DDHD1: variants seen among roughly 807,000 people sequenced by gnomAD.
The protein encoded by DDHD1 is phospholipase DDHD1.
In DDHD1, 49 loss-of-function variants were observed where a neutral mutation model predicts 96.4. The observed-to-expected ratio is 0.51, with a 90% confidence interval of 0.40 to 0.64. DDHD1 has a LOEUF of 0.64. DDHD1 is among the 30% of genes least tolerant of loss of function. DDHD1 has a pLI of 0.00. For missense variants in DDHD1, 1,106 were observed against 1,161.2 expected (o/e 0.95, Z 0.69); for synonymous variants, 442 against 446.5 (o/e 0.99, Z 0.13).
At chr14:53,069,371 C>T (rs974239741) in intron 6 of DDHD1, among the ~76,000 whole-genome samples, 10 of 152,202 alleles carry the variant, frequency 6.6e-5, no homozygotes, top group Admixed American at 6.5e-4. Flanking sequence ...TTTGTAGACA[C>T]TGCATTTACA....
intron 1 of DDHD1, among the ~76,000 whole-genome samples, chr14:53,131,541 AAC>A (rs1429948134): frequency 1.3e-5 from 2 of 151,978 alleles, no homozygotes; most frequent in Non-Finnish European, 2.9e-5. Flanking sequence ...CTGGATCTCA[AAC>A]ATGCTTTCTT....
chr14:53,152,576 C>G lies in DDHD1; in HGVS notation c.523G>C (p.Asp175His), dbSNP rs750682633. ...ATGAAGGGCTTCCAGGTCTTCTTGT[C>G]CTCCTTGTAGAACCAGCGTACCTCC... is the stretch of plus-strand genomic sequence containing the variant. ...PEEVRWFYKEDKKTWKPFIGY... is the reference protein window; with the variant it reads ...PEEVRWFYKEHKKTWKPFIGY... The change falls in exon 1 of 13, where the codon GAC becomes CAC. Residue 175 changes from aspartate (D) to histidine (H), a missense_variant. Transcript: ENST00000673822. The G allele has an allele frequency of 6.2e-7, 1 of 1,613,926 alleles. No homozygotes were observed. Among genetic ancestry groups the G allele is most frequent in the Non-Finnish European group, 8.5e-7 (1 of 1,179,946 alleles).
chr14:53,141,406 G>C (rs1041501943), intron 1 of DDHD1, among the ~76,000 whole-genome samples: 3 of 152,166 alleles, frequency 2.0e-5, no homozygotes, highest in African/African-American at 7.2e-5. Flanking sequence ...ACCAAAGTAA[G>C]GTCTTCGAAC....
intron 6 of DDHD1, among the ~76,000 whole-genome samples, chr14:53,064,969 T>C (rs1488406964): frequency 6.6e-6 from 1 of 152,182 alleles, no homozygotes; most frequent in Admixed American, 6.5e-5. Context: ...TATATTCTCC[T>C]AATTAGGATC....
intron 4 of DDHD1, among the ~76,000 whole-genome samples, chr14:53,077,741 A>T (rs1158886264): frequency 3.3e-5 from 5 of 150,696 alleles, no homozygotes; most frequent in African/African-American, 1.2e-4. Context: ...CCATTATCTA[A>T]TTTCATAACA....
chr14:53,150,732 G>GA (rs1891286086), intron 1 of DDHD1, among the ~76,000 whole-genome samples: 1 of 152,090 alleles, frequency 6.6e-6, no homozygotes, highest in Non-Finnish European at 1.5e-5. Context: ...TCATTTGAAG[G>GA]AAACACCGAG....
intron 4 of DDHD1, among the ~76,000 whole-genome samples, chr14:53,076,195 C>T (rs1208793923): frequency 2.0e-5 from 3 of 152,106 alleles, no homozygotes; most frequent in African/African-American, 7.2e-5. Context: ...CCGGAAGGAA[C>T]TCATCATTCT....
intron 1 of DDHD1, among the ~76,000 whole-genome samples, chr14:53,142,098 G>A (rs1890679554): frequency 6.6e-6 from 1 of 152,190 alleles, no homozygotes; most frequent in Non-Finnish European, 1.5e-5. Flanking sequence ...AAGCAGGAAT[G>A]ATCCCCATTT....
chr14:53,109,294 T>TA (rs1887930297), intron 1 of DDHD1, among the ~76,000 whole-genome samples: 1 of 152,184 alleles, frequency 6.6e-6, no homozygotes, highest in African/African-American at 2.4e-5. Context: ...TTCCTGTAGC[T>TA]AGTTCTATAA....
At chr14:53,088,853 T>C (rs1443464357) in intron 4 of DDHD1, among the ~76,000 whole-genome samples, 1 of 152,190 alleles carries the variant, frequency 6.6e-6, no homozygotes, top group African/African-American at 2.4e-5. Flanking sequence ...ATAAAGGGTA[T>C]TCAATTAGGA....
chr14:53,086,737 C>T (rs1885994963), intron 4 of DDHD1, among the ~76,000 whole-genome samples: 1 of 152,104 alleles, frequency 6.6e-6, no homozygotes, highest in Non-Finnish European at 1.5e-5. Context: ...GAAGAAACTG[C>T]AGCAATTAAT....
intron 1 of DDHD1, 70 bp from the exon 2 acceptor site, chr14:53,103,926 A>C: frequency 1.4e-6 from 2 of 1,406,016 alleles, no homozygotes; most frequent in Non-Finnish European, 1.9e-6. Flanking sequence ...CACAGTATCT[A>C]CAATCTTATA....
At chr14:53,152,113 G>GAAATT in intron 1 of DDHD1, 148 bp downstream of exon 1, 2 of 833,736 alleles carry the variant, frequency 2.4e-6, no homozygotes, top group South Asian at 1.9e-5. Flanking sequence ...AGCTGCCGAC[G>GAAATT]CTCCCTGCTC....
intron 3 of DDHD1, chr14:53,092,915 C>T (rs4901341): frequency 0.73 from 112,114 of 153,304 alleles, 43,876 homozygotes; most frequent in East Asian, 0.96. Context: ...TCACCTTCTA[C>T]TTACGCTTCA....
chr14:53,111,078 C>A (rs955190154), intron 1 of DDHD1, among the ~76,000 whole-genome samples: 8 of 152,162 alleles, frequency 5.3e-5, no homozygotes, highest in Admixed American at 3.3e-4. Context: ...TTCTTCTTGA[C>A]TGAAAAATAA....
chr14:53,150,112 A>G (rs1891243426), intron 1 of DDHD1: 1 of 152,220 alleles, frequency 6.6e-6, no homozygotes, highest in African/African-American at 2.4e-5. Flanking sequence ...GTCAAAGCCC[A>G]AACCCACCTC....
At chr14:53,064,385 C>T (rs745704216) in intron 6 of DDHD1, among the ~76,000 whole-genome samples, 28 of 151,982 alleles carry the variant, frequency 1.8e-4, no homozygotes, top group East Asian at 1.9e-4. Context: ...AGTACTCTGA[C>T]AAAACATACC....
intron 4 of DDHD1, among the ~76,000 whole-genome samples, chr14:53,076,968 T>A (rs889990434): frequency 6.6e-6 from 1 of 152,210 alleles, no homozygotes; most frequent in African/African-American, 2.4e-5. Flanking sequence ...TTTGTGCAAC[T>A]TGCTTAATTA....
At position 53,043,372 on chromosome 14, in the gene DDHD1, GAGC is replaced by G. The variant is rs1881789269; in HGVS notation, c.*3393_*3395del. 6.7e-6 allele frequency: 1 copy of G among 150,064 alleles called. No individual in the cohort carries two copies. The highest frequency in any genetic ancestry group is 2.0e-4 in the East Asian group (1 of 5,082). 9.3% of individuals were successfully genotyped at this position (150,064 alleles called of 1,614,324 possible). A position where few individuals can be genotyped will look rare whatever the true frequency, so the allele number is the denominator to read the frequency against. ...CCTAAGGCTTGCTTCACATACAAAA[GAGC>G]AGTTATTAGAACATCCAGTGTGTGT... On this transcript the variant is annotated 3_prime_UTR_variant, in exon 13 of 13. Coordinates refer to ENST00000673822, the MANE Select transcript of DDHD1 (RefSeq NM_001160148.2).
Sources: allele counts gnomAD v4.1 joint callset (sites outside exome capture counted in the v4.1 genomes callset), GRCh38; gene constraint gnomAD v4.1.1; transcripts MANE v1.5; gene names NCBI Gene and HGNC (gene_info 2026-07-23, HGNC 2026-07-21).